Variants in PREX2 observed in about 807,000 individuals in gnomAD.
PREX2 encodes the protein phosphatidylinositol-3,4,5-trisphosphate dependent Rac exchange factor 2, also known as phosphatidylinositol 3,4,5-trisphosphate-dependent Rac exchanger 2 protein.
In PREX2, 107 loss-of-function variants were observed where a neutral mutation model predicts 203.2. That is an observed-to-expected ratio of 0.53 (90% CI 0.45 to 0.62). The LOEUF is 0.62. Ranked by LOEUF, PREX2 falls within the 20% of genes least tolerant of loss-of-function variation. The pLI is 0.00. For synonymous variants in PREX2, 672 were observed against 663.6 expected (o/e 1.01, Z -0.19); for missense variants, 1,777 against 1,955.9 (o/e 0.91, Z 1.72).
At chr8:68,006,602 G>A (rs2129609872) in intron 1 of PREX2, among the ~76,000 whole-genome samples, 1 of 151,930 alleles carries the variant, frequency 6.6e-6, no homozygotes, top group South Asian at 2.1e-4. Context: ...GCCACTTGGG[G>A]CCTCCAGACT....
rs760419657 is a variant in PREX2, at chr8:68,125,990, G to A, written c.3725-1388G>A. On this transcript the variant is annotated intron_variant, in intron 30 of 39. Transcript: ENST00000288368. ...TCACTACTGTGTCACAGAGTCTTGC[G>A]GTGATTTTCTATTAGGTAAGACTAA... is the stretch of plus-strand genomic sequence containing the variant. Among the ~76,000 whole-genome samples the A allele has an allele frequency of 7.2e-5, 11 of 151,898 alleles. No individual in the cohort carries two copies. In the South Asian group the frequency reaches 8.3e-4, roughly 11 times the overall value.
intron 21 of PREX2, among the ~76,000 whole-genome samples, chr8:68,096,595 T>C (rs2129612451): frequency 6.6e-6 from 1 of 152,300 alleles, no homozygotes; most frequent in African/African-American, 2.4e-5. Flanking sequence ...TGCATCTCCT[T>C]TCTGCTTCTT....
intron 39 of PREX2, 65 bp downstream of exon 39, chr8:68,224,691 C>A: frequency 8.2e-7 from 1 of 1,214,682 alleles, no homozygotes; most frequent in Non-Finnish European, 1.2e-6. Context: ...GGCAGTGTCC[C>A]TCCGCTAATG....
intron 35 of PREX2, among the ~76,000 whole-genome samples, chr8:68,187,756 A>G (rs1203974673): frequency 6.6e-6 from 1 of 152,168 alleles, no homozygotes; most frequent in African/African-American, 2.4e-5. Flanking sequence ...CAAATGCTAG[A>G]TAAAATATGA....
intron 25 of PREX2, among the ~76,000 whole-genome samples, chr8:68,115,520 C>T (rs1301809901): frequency 6.6e-6 from 1 of 152,194 alleles, no homozygotes; most frequent in Non-Finnish European, 1.5e-5. Flanking sequence ...CATGGCACAA[C>T]CTGTATTTCA....
intron 1 of PREX2, among the ~76,000 whole-genome samples, chr8:67,965,974 G>T (rs895628383): frequency 6.6e-6 from 1 of 152,092 alleles, no homozygotes; most frequent in Admixed American, 6.5e-5. Context: ...GGTCTTCTCT[G>T]TATCATTAAA....
chr8:68,208,858 G>A (rs1812693871), intron 37 of PREX2, among the ~76,000 whole-genome samples: 4 of 151,968 alleles, frequency 2.6e-5, no homozygotes, highest in Admixed American at 2.6e-4. Context: ...CGAGGCTAAG[G>A]TAGGAGGATC....
intron 37 of PREX2, among the ~76,000 whole-genome samples, chr8:68,215,559 CAG>C (rs1812817526): frequency 2.6e-5 from 4 of 151,422 alleles, no homozygotes; most frequent in African/African-American, 9.7e-5. Context: ...TTTTTTGAGA[CAG>C]AGTCTCGCTG....
At position 67,991,477 on chromosome 8, in the gene PREX2, C is replaced by T. The variant is rs375993845; in HGVS notation, c.142-26369C>T. Among the ~76,000 whole-genome samples, 24 of 152,110 alleles carry T rather than the reference C, an allele frequency of 1.6e-4. No homozygotes were observed. The South Asian group carries it at 1.9e-3, about 12-fold the overall frequency. Reference sequence around the variant, plus strand: ...GGCCTCAGGAAACTTACAATCATGGCGGAAGGTAAAGGGGAAGCAAACACC... The same window carrying T: ...GGCCTCAGGAAACTTACAATCATGGTGGAAGGTAAAGGGGAAGCAAACACC... On this transcript the variant is annotated intron_variant, in intron 1 of 39. Transcript: ENST00000288368.
At chr8:67,957,761 C>A (rs1805530058) in intron 1 of PREX2, among the ~76,000 whole-genome samples, 1 of 152,162 alleles carries the variant, frequency 6.6e-6, no homozygotes, top group South Asian at 2.1e-4. Flanking sequence ...ATTGATTCAG[C>A]ACATTATGCT....
intron 11 of PREX2, among the ~76,000 whole-genome samples, chr8:68,068,407 A>T (rs1809083234): frequency 6.6e-6 from 1 of 152,096 alleles, no homozygotes; most frequent in African/African-American, 2.4e-5. Context: ...AAGAAAAAAA[A>T]TTAACTGACA....
intron 35 of PREX2, among the ~76,000 whole-genome samples, chr8:68,180,938 T>G (rs564194861): frequency 9.2e-5 from 14 of 152,170 alleles, no homozygotes; most frequent in Non-Finnish European, 1.3e-4. Flanking sequence ...TGAATGAATA[T>G]TTATTTCTTC....
intron 23 of PREX2, among the ~76,000 whole-genome samples, chr8:68,104,050 T>G (rs937328352): frequency 6.6e-5 from 10 of 152,204 alleles, no homozygotes; most frequent in Admixed American, 2.0e-4. Context: ...TTTTCTGCTG[T>G]CTTCTCTATC....
At chr8:68,056,681 G>A (rs1292450006) in intron 10 of PREX2, among the ~76,000 whole-genome samples, 1 of 152,138 alleles carries the variant, frequency 6.6e-6, no homozygotes, top group African/African-American at 2.4e-5. Flanking sequence ...ACATACTTAG[G>A]TAGGAGTTAA....
chr8:68,134,609 T>C (rs1811074907), intron 32 of PREX2, among the ~76,000 whole-genome samples: 1 of 152,208 alleles, frequency 6.6e-6, no homozygotes, highest in Admixed American at 6.5e-5. Context: ...TTATTCCCAG[T>C]CGAAGGACAC....
chr8:68,093,926 G>A (rs3763525), intron 21 of PREX2, among the ~76,000 whole-genome samples: 69,432 of 151,998 alleles, frequency 0.46, 16,337 homozygotes, highest in African/African-American at 0.57. Context: ...AAGTGTTTTT[G>A]TGGACTATCT....
Position 68,134,273 on chromosome 8 carries a change from C to T in PREX2, c.3981C>T (p.Asn1327=). The change falls in exon 32 of 40, where the codon AAC becomes AAT. Residue 1327 remains asparagine (N), a synonymous_variant. Transcript: ENST00000288368. ...ACTTTCAGTCACTTCTGTCACCAAA[C>T]TTGGTAAGGAAATCACATGACTCCC... ...LFHFQSLLSP[N]LTDEQAMLED... 6.2e-7 allele frequency: 1 copy of T among 1,613,034 alleles called. No individual in the cohort carries two copies. The highest frequency in any genetic ancestry group is 8.5e-7 in the Non-Finnish European group (1 of 1,179,128).
chr8:67,983,237 T>C (rs1806322027), intron 1 of PREX2, among the ~76,000 whole-genome samples: 1 of 138,802 alleles, frequency 7.2e-6, no homozygotes, highest in Admixed American at 7.3e-5. Context: ...CTGATGATGA[T>C]GGATCAATGG....
chr8:68,134,977 T>C (rs1390236834), intron 32 of PREX2, among the ~76,000 whole-genome samples: 1 of 152,216 alleles, frequency 6.6e-6, no homozygotes, highest in Non-Finnish European at 1.5e-5. Context: ...CACTTTAATA[T>C]ATAAATGTTA....
Sources: allele counts gnomAD v4.1 joint callset (sites outside exome capture counted in the v4.1 genomes callset), GRCh38; gene constraint gnomAD v4.1.1; transcripts MANE v1.5; gene names NCBI Gene and HGNC (gene_info 2026-07-23, HGNC 2026-07-21).